E2F2: variants seen among roughly 807,000 people sequenced by gnomAD.
The protein encoded by E2F2 is E2F transcription factor 2.
E2F2 carries 22 observed loss-of-function variants against 42.2 expected under a neutral mutation model. The ratio of observed to expected loss-of-function variants is 0.52; its 90% confidence interval spans 0.37 to 0.74. The LOEUF is 0.74. Among genes scored for constraint, E2F2 ranks in the 30% least tolerant of loss-of-function variants. The probability of loss-of-function intolerance (pLI) is 0.00; values close to 1 mark genes in which losing one functional copy is unlikely to be tolerated. For synonymous variants in E2F2, 248 were observed against 251.6 expected (o/e 0.99, Z 0.13); for missense variants, 481 against 557.8 (o/e 0.86, Z 1.39).
At chr1:23,524,636 T>C in intron 1 of E2F2, 148 bp from the exon 2 acceptor site, 1 of 617,408 alleles carries the variant, frequency 1.6e-6, no homozygotes, top group South Asian at 2.1e-5. Flanking sequence ...CTGCTGTACT[T>C]GATAGGAAAA....
chr1:23,521,283 C>T (rs1643141091), intron 3 of E2F2, among the ~76,000 whole-genome samples: 1 of 152,172 alleles, frequency 6.6e-6, no homozygotes, highest in African/African-American at 2.4e-5. Context: ...TTCTGAGGGG[C>T]TCTCGACTCT....
rs779543245 is a variant in E2F2, at chr1:23,516,327, G to T, written c.1045+8C>A. The T allele has an allele frequency of 9.5e-5, 145 of 1,519,936 alleles. No homozygotes were observed. Among genetic ancestry groups the T allele is most frequent in the Non-Finnish European group, 1.2e-4 (137 of 1,138,038 alleles). 94.2% of individuals were successfully genotyped at this position (1,519,936 alleles called of 1,614,324 possible). ...CCCACCTCCTGTCCCTCTGGACAAG[G>T]GACCTACCTGAGGATGCTGTGGGCT... On this transcript the variant is annotated splice_region_variant and intron_variant, in intron 6 of 6. Transcript: ENST00000361729.
At chr1:23,521,774 C>G in intron 3 of E2F2, 63 bp downstream of exon 3, 1 of 1,592,656 alleles carries the variant, frequency 6.3e-7, no homozygotes, top group Non-Finnish European at 8.6e-7. Flanking sequence ...TGGCTATTGC[C>G]TCTGGCTCCG....
chr1:23,525,055 C>A (rs1326589522), intron 1 of E2F2, among the ~76,000 whole-genome samples: 2 of 152,242 alleles, frequency 1.3e-5, no homozygotes, highest in African/African-American at 2.4e-5. Flanking sequence ...GTGCAAACAT[C>A]CCCACCCCCA....
chr1:23,518,756 G>A (rs1643077347), intron 5 of E2F2, among the ~76,000 whole-genome samples: 1 of 152,180 alleles, frequency 6.6e-6, no homozygotes, highest in East Asian at 1.9e-4. Context: ...GTGTGCATGT[G>A]CGCAGGAACC....
intron 6 of E2F2, among the ~76,000 whole-genome samples, chr1:23,513,561 C>CGT (rs1558237706): frequency 0.027 from 3,178 of 116,004 alleles, 120 homozygotes; most frequent in African/African-American, 0.089. Flanking sequence ...CAGCACGGAA[C>CGT]ATGTGTGTGT....
intron 3 of E2F2, among the ~76,000 whole-genome samples, chr1:23,521,296 T>A (rs1320304925): frequency 6.6e-6 from 1 of 152,136 alleles, no homozygotes; most frequent in Non-Finnish European, 1.5e-5. Flanking sequence ...TCGACTCTGT[T>A]CATCCCTATG....
intron 5 of E2F2, among the ~76,000 whole-genome samples, chr1:23,516,798 C>G (rs200226270): frequency 0.082 from 6,688 of 81,578 alleles, 1 homozygote; most frequent in Non-Finnish European, 0.099. Context: ...AGTTTTGGGG[C>G]GGGGGGGGGG....
intron 6 of E2F2, among the ~76,000 whole-genome samples, chr1:23,513,136 T>A (rs966089733): frequency 4.2e-4 from 64 of 151,062 alleles, no homozygotes; most frequent in African/African-American, 1.4e-3. Flanking sequence ...TTTTTTTTTT[T>A]AAATCACATT....
intron 5 of E2F2, 73 bp from the exon 6 acceptor site, chr1:23,516,600 G>A (rs1024009650): frequency 8.0e-6 from 10 of 1,248,196 alleles, no homozygotes; most frequent in African/African-American, 7.8e-5. Flanking sequence ...ATGGACAGAC[G>A]CACGTGGCTG....
downstream of E2F2, among the ~76,000 whole-genome samples, chr1:23,505,564 A>G (rs1470521921): frequency 4.6e-5 from 7 of 152,040 alleles, no homozygotes; most frequent in Admixed American, 1.3e-4. Flanking sequence ...CCAGGCTGGA[A>G]TGCAATGGCG....
At chr1:23,520,024 G>A (rs1288757560) in intron 4 of E2F2, among the ~76,000 whole-genome samples, 1 of 150,120 alleles carries the variant, frequency 6.7e-6, no homozygotes, top group African/African-American at 2.5e-5. Context: ...GTTGCAGTGA[G>A]CCAAGATCAT....
In E2F2 at chr1:23,530,855, G is replaced by A; in HGVS notation, c.-62C>T. The A allele has an allele frequency of 7.1e-7, 1 of 1,417,064 alleles. No individual in the cohort carries two copies. 87.8% of individuals were successfully genotyped at this position (1,417,064 alleles called of 1,614,324 possible). ...GCGCCCGCGGACACCTGCGGGTTCC[G>A]GTGCTGCCGCCTTTCACACGGCCCG... On this transcript the variant is annotated 5_prime_UTR_variant, in exon 1 of 7. Transcript: ENST00000361729. The surrounding 1 kb of genome is among the most constrained non-coding windows in gnomAD (Gnocchi z 4.4).
At chr1:23,516,098 T>C (rs1558241083) in intron 6 of E2F2, among the ~76,000 whole-genome samples, 1 of 152,168 alleles carries the variant, frequency 6.6e-6, no homozygotes, top group Admixed American at 6.5e-5. Context: ...TAAGGTCACA[T>C]AGCTGGTAAG....
At chr1:23,511,553 A>T (rs913985385) in intron 6 of E2F2, among the ~76,000 whole-genome samples, 1 of 152,092 alleles carries the variant, frequency 6.6e-6, no homozygotes, top group African/African-American at 2.4e-5. Flanking sequence ...TTCCACTTAG[A>T]TGTTAAGACG....
At position 23,521,057 on chromosome 1, in the gene E2F2, A is replaced by G. The variant is rs1319335375; in HGVS notation, c.593T>C (p.Phe198Ser). 2 of 1,611,876 alleles carry G rather than the reference A, an allele frequency of 1.2e-6. No homozygotes were observed. The highest frequency in any genetic ancestry group is 8.5e-7 in the Non-Finnish European group (1 of 1,179,052). Residue 198 changes from phenylalanine (F) to serine (S), a missense_variant, in exon 4 of 7, where the codon TTT becomes TCT. By Grantham distance (155) the Phe-to-Ser change is radical. Coordinates refer to ENST00000361729, the MANE Select transcript of E2F2 (RefSeq NM_004091.4). ...NNIQWVGRGM[F>S]EDPTRPGKQQ... is the part of the protein sequence containing the mutation. ...CTTCCCAGGTCTGGTGGGGTCTTCA[A>G]ACATTCCCCTGCCTCTGGGAACAGA...
intron 6 of E2F2, among the ~76,000 whole-genome samples, chr1:23,511,581 G>A (rs1437084741): frequency 6.6e-6 from 1 of 152,024 alleles, no homozygotes; most frequent in African/African-American, 2.4e-5. Context: ...CCCATACAGG[G>A]ACATGCAATG....
intron 1 of E2F2, among the ~76,000 whole-genome samples, chr1:23,528,828 C>A (rs2236853): frequency 0.051 from 7,763 of 152,228 alleles, 491 homozygotes; most frequent in South Asian, 0.3. Flanking sequence ...GAGAGTGGGC[C>A]TGCCGCAAAG....
intron 6 of E2F2, among the ~76,000 whole-genome samples, chr1:23,513,561 CATGTGT>C (rs1283292459): frequency 0.03 from 3,443 of 115,982 alleles, 53 homozygotes; most frequent in South Asian, 0.041. Context: ...CAGCACGGAA[CATGTGT>C]GTGTGTGTGT....
Sources: allele counts gnomAD v4.1 joint callset (sites outside exome capture counted in the v4.1 genomes callset), GRCh38; gene constraint gnomAD v4.1.1; non-coding constraint Gnocchi (gnomAD v3.1); transcripts MANE v1.5; gene names NCBI Gene and HGNC (gene_info 2026-07-23, HGNC 2026-07-21).